The following PGM3 variants were observed in gnomAD, a reference collection of about 807,000 sequenced individuals.
PGM3 encodes the protein phosphoglucomutase 3.
In PGM3, 40 loss-of-function variants were observed where a neutral mutation model predicts 66.2. The ratio of observed to expected loss-of-function variants is 0.60; its 90% CI spans 0.47 to 0.79. The LOEUF (loss-of-function observed/expected upper bound fraction) is 0.79, where lower values mean the gene tolerates loss of function less well. Among genes scored for constraint, PGM3 ranks in the 30% least tolerant of loss-of-function variants. The pLI, the probability that PGM3 is intolerant of heterozygous loss-of-function variation, is 0.00. For synonymous variants in PGM3, 191 were observed against 224.2 expected (o/e 0.85, Z 1.32); for missense variants, 537 against 643.4 (o/e 0.83, Z 1.79).
chr6:83,163,303 A>C (rs939940807), downstream of PGM3, among the ~76,000 whole-genome samples: 14 of 152,200 alleles, frequency 9.2e-5, no homozygotes, highest in African/African-American at 3.1e-4. Context: ...TATAATGTTC[A>C]TCTTAATGCC....
chr6:83,179,552 T>G (rs774292360), intron 7 of PGM3, among the ~76,000 whole-genome samples: 2 of 152,156 alleles, frequency 1.3e-5, no homozygotes, highest in African/African-American at 4.8e-5. Context: ...GTTTCAATTA[T>G]GATGGAAGCA....
chr6:83,164,825 A>G (rs1234452960), downstream of PGM3: 1 of 869,490 alleles, frequency 1.2e-6, no homozygotes, highest in East Asian at 2.7e-5. Context: ...GTAAACAGGA[A>G]GGAAGTCTTT....
At chr6:83,183,139 T>G (rs572604629) in intron 4 of PGM3, among the ~76,000 whole-genome samples, 161 bp from the exon 5 acceptor site, 2 of 152,282 alleles carry the variant, frequency 1.3e-5, no homozygotes, top group South Asian at 4.1e-4. Flanking sequence ...TATAAATGAC[T>G]ATAAGAAGCC....
rs1398175418 is a variant in PGM3, at chr6:83,166,302, A to G, written c.*2932T>C. ...AGGATCAGCTTCGATGATGTTCTCA[A>G]TTGGTCATTATCAATTTCCGATGAC... is the stretch of plus-strand genomic sequence containing the variant. On this transcript the variant is annotated 3_prime_UTR_variant, in exon 13 of 13. Transcript: ENST00000513973. The G allele has an allele frequency of 1.1e-5, 7 of 637,572 alleles. No individual in the cohort carries two copies. Among genetic ancestry groups the G allele is most frequent in the Admixed American group, 9.5e-5 (4 of 42,298 alleles). 39.5% of individuals were successfully genotyped at this position (637,572 alleles called of 1,614,324 possible).
chr6:83,159,644 C>A, downstream of PGM3: 1 of 837,642 alleles, frequency 1.2e-6, no homozygotes. Flanking sequence ...GATTTGAAAA[C>A]AGTGACATTT....
At chr6:83,149,292 G>A in the PGM3 span, among the ~76,000 whole-genome samples, 1 of 152,136 alleles carries the variant, frequency 6.6e-6, no homozygotes, top group Non-Finnish European at 1.5e-5. Context: ...TGATTTATAT[G>A]ATTATTTGAT....
At chr6:83,151,685 A>T in the PGM3 span, 1 of 1,580,030 alleles carries the variant, frequency 6.3e-7, no homozygotes, top group Non-Finnish European at 8.6e-7. Flanking sequence ...AGCTGTTGCC[A>T]AAACTGTTTC....
chr6:83,190,924 G>A lies in PGM3; in HGVS notation c.89C>T (p.Thr30Met), dbSNP rs767476579. 2.3e-5 allele frequency: 37 copies of A among 1,614,088 alleles called. No homozygotes were observed. Among genetic ancestry groups the A allele is most frequent in the South Asian group, 1.2e-4 (11 of 91,084 alleles). ...GACATGATCAAGATGTTCTGCCTTC[G>A]TTCGAAATCCAGCAGTCCCGTATTG... ...ILQYGTAGFRTKAEHLDHVMF... is the reference protein window; with the variant it reads ...ILQYGTAGFRMKAEHLDHVMF... Residue 30 changes from threonine to methionine, a missense_variant, in exon 2 of 13, where the codon ACG (threonine) becomes ATG (methionine). Thr to Met is a moderately conservative substitution (Grantham distance 81). Coordinates refer to ENST00000513973, the MANE Select transcript of PGM3 (RefSeq NM_015599.3).
At chr6:83,177,913 T>C (rs1455756383) in intron 8 of PGM3, among the ~76,000 whole-genome samples, 1 of 152,092 alleles carries the variant, frequency 6.6e-6, no homozygotes, top group African/African-American at 2.4e-5. Context: ...TAATTTTTCA[T>C]CCACTGACCA....
At chr6:83,173,380 G>C (rs1000274142) in intron 10 of PGM3, among the ~76,000 whole-genome samples, 1 of 152,042 alleles carries the variant, frequency 6.6e-6, no homozygotes, top group Non-Finnish European at 1.5e-5. Flanking sequence ...TAACTCTAAG[G>C]CTCAGCCTAA....
Position 83,181,808 on chromosome 6 carries a change from C to G in PGM3, c.715G>C (p.Asp239His), listed in dbSNP as rs869312886. The G allele has an allele frequency of 6.2e-7, 1 of 1,614,084 alleles. No homozygotes were observed. The highest frequency in any genetic ancestry group is 8.5e-7 in the Non-Finnish European group (1 of 1,179,974). ...SQGLSVQLFN[D>H]GSKGKLNHLC... ...TGATTGAGTTTGCCCTTGGACCCAT[C>G]ATTAAACAGCTGAACTGACAGGCCC... Residue 239 changes from aspartate (D) to histidine (H), a missense_variant, in exon 6 of 13, where the codon GAT becomes CAT. Asp to His is a moderately conservative substitution (Grantham distance 81). Transcript: ENST00000513973.
In PGM3 at chr6:83,169,163, C is replaced by G. The variant is rs1786520426; in HGVS notation, c.*71G>C. ...CATTATGATTATAAATCTCTTAGTA[C>G]TGCCATTATTATTGACAGTTTTGTA... is the stretch of plus-strand genomic sequence containing the variant. On this transcript the variant is annotated 3_prime_UTR_variant, in exon 13 of 13. Transcript: ENST00000513973. The G allele has an allele frequency of 6.3e-7, 1 of 1,586,440 alleles. No homozygotes were observed. The highest frequency in any genetic ancestry group is 1.3e-5 in the African/African-American group (1 of 74,270).
At chr6:83,187,781 T>C (rs1445766012) in intron 3 of PGM3, among the ~76,000 whole-genome samples, 2 of 152,156 alleles carry the variant, frequency 1.3e-5, no homozygotes, top group African/African-American at 4.8e-5. Flanking sequence ...TCCAGCCTGG[T>C]GACAGAGCGA....
In PGM3 at chr6:83,188,812, C is replaced by T; in HGVS notation, c.205-14G>A. ...ACCATTGTCTTCCTTAAAAGAAAAA[C>T]AAACAATAAGCAATCTGTGCATACT... On this transcript the variant is annotated splice_polypyrimidine_tract_variant and intron_variant, in intron 2 of 12. Coordinates refer to ENST00000513973, the MANE Select transcript of PGM3 (RefSeq NM_015599.3). 6.2e-7 allele frequency: 1 copy of T among 1,611,614 alleles called. No homozygotes were observed. Among genetic ancestry groups the T allele is most frequent in the Non-Finnish European group, 8.5e-7 (1 of 1,178,068 alleles).
intron 9 of PGM3, among the ~76,000 whole-genome samples, chr6:83,175,398 T>C (rs1787681800): frequency 6.6e-6 from 1 of 152,228 alleles, no homozygotes; most frequent in African/African-American, 2.4e-5. Flanking sequence ...GAAAATTATT[T>C]GGCTTTGATT....
downstream of PGM3, among the ~76,000 whole-genome samples, chr6:83,163,569 AT>A (rs1784741483): frequency 6.6e-6 from 1 of 152,134 alleles, no homozygotes. Context: ...TTTTCTAAGT[AT>A]TTTTCACTTT....
chr6:83,155,634 G>A, the PGM3 span, among the ~76,000 whole-genome samples: 6 of 152,110 alleles, frequency 3.9e-5, no homozygotes, highest in African/African-American at 1.4e-4. Context: ...TTAAAGTAAC[G>A]AGAAGGATTT....
intron 9 of PGM3, among the ~76,000 whole-genome samples, chr6:83,175,030 C>A (rs1189362790): frequency 1.3e-5 from 2 of 152,160 alleles, no homozygotes; most frequent in African/African-American, 4.8e-5. Flanking sequence ...TGGAAATACT[C>A]ATCTTTTTTA....
chr6:83,179,916 T>G lies in PGM3; in HGVS notation c.839A>C (p.Asp280Ala), dbSNP rs1294245170. ...ERCCSFDGDA[D>A]RIVYYYHDAD... is the part of the protein sequence containing the mutation. ...ATCATGGTAGTAATAAACAATTCTGTCTGCATCTCCATCAAAAGAACAGCA... is the reference window on the plus strand; with the variant it reads ...ATCATGGTAGTAATAAACAATTCTGGCTGCATCTCCATCAAAAGAACAGCA... The change falls in exon 7 of 13, where the codon GAC (aspartate) becomes GCC (alanine). Residue 280 changes from aspartate (D) to alanine (A), a missense_variant. By Grantham distance (126) the Asp-to-Ala change is moderately radical. Transcript: ENST00000513973. 6.2e-7 allele frequency: 1 copy of G among 1,612,068 alleles called. No homozygotes were observed. The highest frequency in any genetic ancestry group is 1.3e-5 in the African/African-American group (1 of 74,904).
Sources: gnomAD v4.1 joint callset for allele counts (sites outside exome capture counted in the v4.1 genomes callset) on GRCh38, gnomAD v4.1.1 for gene constraint, MANE v1.5 for transcripts, NCBI Gene and HGNC (gene_info 2026-07-23, HGNC 2026-07-21) for gene names.